CLHC1: variants seen among roughly 807,000 people sequenced by gnomAD.
CLHC1 encodes clathrin heavy chain linker domain-containing protein 1.
Under a neutral mutation model 69.5 loss-of-function variants are expected in CLHC1, and 72 were observed. The ratio of observed to expected loss-of-function variants is 1.04; its 90% CI spans 0.86 to 1.26. The LOEUF (loss-of-function observed/expected upper bound fraction) is 1.26, where lower values mean the gene tolerates loss of function less well. CLHC1 is among the 50% of genes most tolerant of loss of function. CLHC1 has a pLI of 0.00. For synonymous variants in CLHC1, 223 were observed against 224.3 expected (o/e 0.99, Z 0.05); for missense variants, 790 against 679.3 (o/e 1.16, Z -1.81).
chr2:55,210,867 TAG>T (rs903768708), intron 5 of CLHC1, among the ~76,000 whole-genome samples: 2 of 150,092 alleles, frequency 1.3e-5, no homozygotes, highest in Non-Finnish European at 1.5e-5. Flanking sequence ...GATATATATA[TAG>T]AGAGAGAGAG....
At chr2:55,227,137 T>C (rs1212287802) in intron 2 of CLHC1, among the ~76,000 whole-genome samples, 1 of 152,204 alleles carries the variant, frequency 6.6e-6, no homozygotes, top group Non-Finnish European at 1.5e-5. Flanking sequence ...ATGAACTGGA[T>C]AGCAAAAAGT....
chr2:55,206,571 GT>G (rs920666052), intron 8 of CLHC1, among the ~76,000 whole-genome samples, 195 bp from the exon 9 acceptor site: 5 of 151,828 alleles, frequency 3.3e-5, no homozygotes, highest in East Asian at 3.9e-4. Flanking sequence ...ACTCTGTTGG[GT>G]TTTTTTTAAG....
chr2:55,200,725 A>G (rs1271353723), intron 9 of CLHC1, among the ~76,000 whole-genome samples: 1 of 152,240 alleles, frequency 6.6e-6, no homozygotes, highest in Non-Finnish European at 1.5e-5. Flanking sequence ...GCTGAAAAAT[A>G]CACATTCTTC....
Position 55,217,974 on chromosome 2 carries a change from T to C in CLHC1, c.202A>G (p.Lys68Glu). The change falls in exon 4 of 13, where the codon AAA (lysine) becomes GAA (glutamate). Residue 68 changes from lysine (K) to glutamate (E), a missense_variant. Coordinates refer to ENST00000401408, the MANE Select transcript of CLHC1 (RefSeq NM_152385.4). ...DKVIEHITAY[K>E]SILTSIKKEY... The stretch of plus-strand genomic sequence containing the variant: ...TTTTTGATTGAAGTAAGAATGGATT[T>C]GTATGCAGTGATATGCTCTATTACC... The C allele has an allele frequency of 6.4e-7, 1 of 1,571,606 alleles. No individual in the cohort carries two copies. The highest frequency in any genetic ancestry group is 8.6e-7 in the Non-Finnish European group (1 of 1,159,202).
At position 55,177,792 on chromosome 2, in the gene CLHC1, A is replaced by G. The variant is rs945333940; in HGVS notation, c.1385-11T>C. On this transcript the variant is annotated splice_polypyrimidine_tract_variant and intron_variant, in intron 11 of 12. Coordinates refer to ENST00000401408, the MANE Select transcript of CLHC1 (RefSeq NM_152385.4). Reference sequence around the variant, plus strand: ...GCTGCAACAGGTCATCTGAAGGCAAAAATGAAAAAGTTTATCTCAATGTCC... The same window carrying G: ...GCTGCAACAGGTCATCTGAAGGCAAGAATGAAAAAGTTTATCTCAATGTCC... 2 of 1,593,976 alleles carry G rather than the reference A, an allele frequency of 1.3e-6. No homozygotes were observed. Among genetic ancestry groups the G allele is most frequent in the African/African-American group, 2.7e-5 (2 of 73,936 alleles).
At chr2:55,196,228 G>C (rs1312883087) in intron 9 of CLHC1, among the ~76,000 whole-genome samples, 1 of 152,154 alleles carries the variant, frequency 6.6e-6, no homozygotes, top group African/African-American at 2.4e-5. Flanking sequence ...AAGTGCTTTG[G>C]GGTCCTAAAT....
intron 12 of CLHC1, among the ~76,000 whole-genome samples, chr2:55,176,369 A>C (rs1006438724): frequency 3.3e-5 from 5 of 152,216 alleles, no homozygotes; most frequent in Admixed American, 6.5e-5. Flanking sequence ...AGAAACTATG[A>C]AATAACTGTA....
In CLHC1 at chr2:55,181,503, T is replaced by C. The variant is rs1473282006; in HGVS notation, c.1181+67A>G. 1.4e-5 allele frequency: 17 copies of C among 1,209,154 alleles called. No individual in the cohort carries two copies. In the East Asian group the frequency reaches 2.8e-4, roughly 20 times the overall value. The allele number at this position is 1,209,154 out of a possible 1,614,324, so 74.9% of individuals were successfully genotyped here. ...AGTAACATATTGATAAAGCTATTAA[T>C]ATTTTTAGAACAAACAACTTTATTA... On this transcript the variant is annotated intron_variant, in intron 10 of 12. Coordinates refer to ENST00000401408, the MANE Select transcript of CLHC1 (RefSeq NM_152385.4).
At chr2:55,194,149 TAC>T (rs1182223377) in intron 9 of CLHC1, among the ~76,000 whole-genome samples, 17 of 152,138 alleles carry the variant, frequency 1.1e-4, no homozygotes, top group African/African-American at 3.9e-4. Flanking sequence ...AGTTAATGGG[TAC>T]AAAGTTTATT....
chr2:55,200,225 TAAAAAAA>T (rs34374033), intron 9 of CLHC1, among the ~76,000 whole-genome samples: 1 of 52,934 alleles, frequency 1.9e-5, no homozygotes, highest in Non-Finnish European at 3.3e-5. Flanking sequence ...AAGACTGTCT[TAAAAAAA>T]AAAAAAAAAA....
In CLHC1 at chr2:55,173,390, A is replaced by G. The variant is rs753439019; in HGVS notation, c.*2400T>C. On this transcript the variant is annotated 3_prime_UTR_variant, in exon 13 of 13. Coordinates refer to ENST00000401408, the MANE Select transcript of CLHC1 (RefSeq NM_152385.4). The stretch of plus-strand genomic sequence containing the variant: ...ATTGTGTGCAAAACAGGTATTCGGT[A>G]GATGTTGTTGATGCTGATGTTGAAT... Among the ~76,000 whole-genome samples, 3 of 152,216 alleles carry G rather than the reference A, an allele frequency of 2.0e-5. No individual in the cohort carries two copies. Among genetic ancestry groups the G allele is most frequent in the Non-Finnish European group, 2.9e-5 (2 of 68,030 alleles).
In CLHC1 at chr2:55,184,005, T is replaced by C. The variant is rs529578297; in HGVS notation, c.1007-2261A>G. 1.2e-4 allele frequency among the ~76,000 whole-genome samples: 18 copies of C among 152,288 alleles called. No homozygotes were observed. The South Asian group carries it at 3.7e-3, about 32-fold the overall frequency. On this transcript the variant is annotated intron_variant, in intron 9 of 12. Transcript: ENST00000401408. ...CATGTTGGCCAGGATGGTCTCGATCTCTTGACCTCGTGATCCGCCTGCCTT... is the reference window on the plus strand; with the variant it reads ...CATGTTGGCCAGGATGGTCTCGATCCCTTGACCTCGTGATCCGCCTGCCTT...
chr2:55,187,913 A>G (rs1021306576), intron 9 of CLHC1, among the ~76,000 whole-genome samples: 5 of 152,220 alleles, frequency 3.3e-5, no homozygotes, highest in South Asian at 2.1e-4. Flanking sequence ...ATTAATATTT[A>G]TAATACATAA....
At chr2:55,220,395 A>C (rs948380840) in intron 3 of CLHC1, among the ~76,000 whole-genome samples, 2 of 152,332 alleles carry the variant, frequency 1.3e-5, no homozygotes, top group African/African-American at 4.8e-5. Context: ...GTTATCAAGA[A>C]GCTAGAAGAA....
intron 9 of CLHC1, among the ~76,000 whole-genome samples, chr2:55,188,237 G>A (rs953688114): frequency 6.6e-6 from 1 of 152,066 alleles, no homozygotes; most frequent in African/African-American, 2.4e-5. Flanking sequence ...GATCACTTGA[G>A]CCCAGGAGGT....
intron 12 of CLHC1, among the ~76,000 whole-genome samples, chr2:55,176,477 C>T (rs1362421810): frequency 1.3e-5 from 2 of 152,290 alleles, no homozygotes; most frequent in South Asian, 4.1e-4. Context: ...AACTCTTTAT[C>T]CTGTCTCTAG....
intron 7 of CLHC1, among the ~76,000 whole-genome samples, chr2:55,209,031 C>T (rs573227161): frequency 8.6e-5 from 13 of 152,038 alleles, no homozygotes; most frequent in African/African-American, 2.2e-4. Context: ...CAACCACACC[C>T]GGCTAATTTT....
intron 4 of CLHC1, among the ~76,000 whole-genome samples, chr2:55,216,677 C>A (rs1425042608): frequency 6.6e-6 from 1 of 150,400 alleles, no homozygotes; most frequent in Non-Finnish European, 1.5e-5. Flanking sequence ...GGGACCACAC[C>A]CAGCTAATTT....
At chr2:55,178,794 T>G (rs1024925650) in intron 11 of CLHC1, among the ~76,000 whole-genome samples, 1 of 152,162 alleles carries the variant, frequency 6.6e-6, no homozygotes, top group Non-Finnish European at 1.5e-5. Context: ...TCTGAAAGCC[T>G]TGGGTTTTTA....
Sources: gnomAD v4.1 joint callset for allele counts (sites outside exome capture counted in the v4.1 genomes callset) on GRCh38, gnomAD v4.1.1 for gene constraint, MANE v1.5 for transcripts, NCBI Gene and HGNC (gene_info 2026-07-23, HGNC 2026-07-21) for gene names.